The following SGCD variants were observed in gnomAD, a reference collection of about 807,000 sequenced individuals.
The protein encoded by SGCD is delta-sarcoglycan.
SGCD carries 18 observed loss-of-function variants against 36.6 expected under a neutral mutation model. The ratio of observed to expected loss-of-function variants is 0.49; its 90% CI spans 0.34 to 0.73. The LOEUF (loss-of-function observed/expected upper bound fraction) is 0.73, where lower values mean the gene tolerates loss of function less well. Among genes scored for constraint, SGCD ranks in the 30% least tolerant of loss-of-function variants. The pLI, the probability that SGCD is intolerant of heterozygous loss-of-function variation, is 0.01. For missense variants in SGCD, 387 were observed against 346.7 expected (o/e 1.12, Z -0.92); for synonymous variants, 133 against 130.6 (o/e 1.02, Z -0.12).
chr5:155,728,564 G>A, the SGCD span, among the ~76,000 whole-genome samples: 1 of 152,222 alleles, frequency 6.6e-6, no homozygotes, highest in African/African-American at 2.4e-5. Context: ...GCTACTGGGG[G>A]CTCTAAGCAG....
chr5:156,473,937 T>C (rs1481712373), intron 3 of SGCD, among the ~76,000 whole-genome samples: 1 of 151,804 alleles, frequency 6.6e-6, no homozygotes, highest in African/African-American at 2.4e-5. Context: ...TTGATACCAG[T>C]TTTCAACTGT....
chr5:156,030,656 G>A (rs192827193), intron 1 of SGCD, among the ~76,000 whole-genome samples: 256 of 152,256 alleles, frequency 1.7e-3, no homozygotes, highest in Admixed American at 4.6e-3. Context: ...GGGAAAGGAC[G>A]GGTGAGTTGA....
At chr5:156,153,334 T>G (rs1456431778) in intron 3 of SGCD, among the ~76,000 whole-genome samples, 2 of 151,574 alleles carry the variant, frequency 1.3e-5, no homozygotes, top group Non-Finnish European at 2.9e-5. Context: ...TGATGAGGTT[T>G]TTAACGTGGG....
intron 1 of SGCD, among the ~76,000 whole-genome samples, chr5:156,061,796 A>T (rs1581071073): frequency 6.9e-6 from 1 of 145,596 alleles, no homozygotes; most frequent in Middle Eastern, 3.6e-3. Flanking sequence ...TCATAGATGA[A>T]CTGACAGTTT....
chr5:156,604,657 T>G (rs1325597133), intron 6 of SGCD, among the ~76,000 whole-genome samples: 1 of 143,018 alleles, frequency 7.0e-6, no homozygotes, highest in Non-Finnish European at 1.5e-5. Flanking sequence ...TTTTCTTGCC[T>G]GAAAACATAT....
At chr5:156,645,306 A>G (rs1345728149) in intron 6 of SGCD, among the ~76,000 whole-genome samples, 1 of 152,156 alleles carries the variant, frequency 6.6e-6, no homozygotes, top group East Asian at 1.9e-4. Context: ...CTGAGAAAAC[A>G]GAGAGAGGAT....
intron 3 of SGCD, among the ~76,000 whole-genome samples, chr5:156,193,753 T>G (rs558429499): frequency 6.6e-6 from 1 of 152,322 alleles, no homozygotes; most frequent in South Asian, 2.1e-4. Flanking sequence ...AAAAAATTTC[T>G]TCCTCTGTAC....
chr5:156,633,362 G>T (rs894026739), intron 6 of SGCD, among the ~76,000 whole-genome samples: 5 of 152,182 alleles, frequency 3.3e-5, no homozygotes, highest in Non-Finnish European at 7.3e-5. Flanking sequence ...AGTAGGATGT[G>T]CATAACCGAA....
chr5:155,982,823 A>C (rs1312240921), intron 1 of SGCD, among the ~76,000 whole-genome samples: 1 of 152,162 alleles, frequency 6.6e-6, no homozygotes, highest in Non-Finnish European at 1.5e-5. Flanking sequence ...CTATCTCCAA[A>C]GTATTTCAAA....
intron 3 of SGCD, among the ~76,000 whole-genome samples, chr5:156,212,817 G>A (rs1328191302): frequency 6.6e-6 from 1 of 151,956 alleles, no homozygotes; most frequent in Non-Finnish European, 1.5e-5. Flanking sequence ...GTCCACAATG[G>A]CCTGAAACTA....
chr5:156,462,710 C>T (rs767999049), intron 3 of SGCD, among the ~76,000 whole-genome samples: 3 of 152,056 alleles, frequency 2.0e-5, no homozygotes, highest in Non-Finnish European at 2.9e-5. Flanking sequence ...TCTTTATTCT[C>T]ATAGTGAAAT....
intron 3 of SGCD, among the ~76,000 whole-genome samples, chr5:156,374,020 G>A (rs1770527557): frequency 6.6e-6 from 1 of 152,058 alleles, no homozygotes; most frequent in Non-Finnish European, 1.5e-5. Flanking sequence ...GGGCGGGAGT[G>A]GAGTCAACGG....
chr5:156,518,541 C>G (rs1388406413), intron 4 of SGCD, among the ~76,000 whole-genome samples: 2 of 152,184 alleles, frequency 1.3e-5, no homozygotes, highest in African/African-American at 4.8e-5. Flanking sequence ...ATACATTCTT[C>G]TTGGCACCAT....
chr5:156,719,522 A>C (rs1264099570), intron 7 of SGCD, among the ~76,000 whole-genome samples: 2 of 152,192 alleles, frequency 1.3e-5, no homozygotes, highest in African/African-American at 4.8e-5. Flanking sequence ...TGAGGGCAAG[A>C]TTCAGTTTAA....
At chr5:156,605,513 C>T (rs181164914) in intron 6 of SGCD, among the ~76,000 whole-genome samples, 7 of 152,266 alleles carry the variant, frequency 4.6e-5, no homozygotes, top group Admixed American at 3.9e-4. Context: ...AAAAATACGT[C>T]TGCATGTGTC....
At chr5:156,631,201 T>C (rs1210884566) in intron 6 of SGCD, among the ~76,000 whole-genome samples, 1 of 152,222 alleles carries the variant, frequency 6.6e-6, no homozygotes, top group African/African-American at 2.4e-5. Flanking sequence ...TAATTCATCT[T>C]TATTTCCTTG....
chr5:155,922,888 C>G (rs1362208193), intron 1 of SGCD, among the ~76,000 whole-genome samples: 1 of 152,244 alleles, frequency 6.6e-6, no homozygotes, highest in Non-Finnish European at 1.5e-5. Flanking sequence ...CAATCAATGC[C>G]CACTGAAAAA....
intron 1 of SGCD, among the ~76,000 whole-genome samples, chr5:155,907,155 A>G (rs1234884648): frequency 6.6e-6 from 1 of 152,024 alleles, no homozygotes; most frequent in Non-Finnish European, 1.5e-5. Flanking sequence ...CTTACAGTTT[A>G]TCTGTTTACA....
intron 1 of SGCD, among the ~76,000 whole-genome samples, chr5:156,058,501 C>T (rs763575048): frequency 2.1e-5 from 3 of 145,714 alleles, no homozygotes; most frequent in Admixed American, 6.9e-5. Flanking sequence ...GCATTTCTAA[C>T]GGGCTTCCAG....
Sources: gnomAD v4.1 joint callset for allele counts (sites outside exome capture counted in the v4.1 genomes callset) on GRCh38, gnomAD v4.1.1 for gene constraint, MANE v1.5 for transcripts, NCBI Gene and HGNC (gene_info 2026-07-23, HGNC 2026-07-21) for gene names.